TNS1: variants seen among roughly 807,000 people sequenced by gnomAD.
TNS1 encodes the protein tensin-1.
In TNS1, 62 loss-of-function variants were observed where a neutral mutation model predicts 168.6. The observed-to-expected ratio is 0.37, with a 90% CI of 0.30 to 0.45. The LOEUF (loss-of-function observed/expected upper bound fraction) is 0.45, where lower values mean the gene tolerates loss of function less well. TNS1 is among the 20% of genes least tolerant of loss of function. The pLI is 1.00. For missense variants in TNS1, 2,240 were observed against 2,339.4 expected, an observed-to-expected ratio of 0.96 and a Z score of 0.88; for synonymous variants, 934 against 933.2, an observed-to-expected ratio of 1.00 and a Z score of -0.02.
intron 9 of TNS1, among the ~76,000 whole-genome samples, chr2:217,894,204 A>G (rs1952034484): frequency 6.6e-6 from 1 of 152,200 alleles, no homozygotes; most frequent in African/African-American, 2.4e-5. Flanking sequence ...CCCATAGAGC[A>G]CACCTAATCC....
intron 6 of TNS1, among the ~76,000 whole-genome samples, chr2:217,901,002 C>T (rs1207337006): frequency 6.6e-6 from 1 of 152,116 alleles, no homozygotes; most frequent in Non-Finnish European, 1.5e-5. Context: ...AGTTTAGAGA[C>T]CAGAACAGGC....
intron 4 of TNS1, among the ~76,000 whole-genome samples, chr2:217,910,017 C>T (rs919756103): frequency 6.5e-4 from 99 of 152,158 alleles, no homozygotes; most frequent in African/African-American, 2.3e-3. Flanking sequence ...TCTCTAGCCT[C>T]GGGGCAGCAC....
chr2:217,901,398 A>T (rs541448159), intron 6 of TNS1, among the ~76,000 whole-genome samples: 1 of 152,374 alleles, frequency 6.6e-6, no homozygotes, highest in East Asian at 1.9e-4. Context: ...TTACCAGATG[A>T]CAGCTGTTGT....
At position 217,949,739 on chromosome 2, in the gene TNS1, CA is replaced by C. The variant is rs57937641; in HGVS notation, c.186+29025del. 4.1e-3 allele frequency among the ~76,000 whole-genome samples: 578 copies of C among 140,500 alleles called. 8 individuals carry two copies. Among genetic ancestry groups the C allele is most frequent in the African/African-American group, 0.013 (511 of 39,446 alleles). The allele number at this position is 140,500 out of a possible 152,430, so 92.2% of individuals were successfully genotyped here. The stretch of plus-strand genomic sequence containing the variant: ...GAGGCTTACCAAGCACACCAAGGAA[CA>C]AAAAAAAAAGAAAAGAAAAGAAAAA... On this transcript the variant is annotated intron_variant, in intron 3 of 32. Coordinates refer to ENST00000682258, the MANE Select transcript of TNS1 (RefSeq NM_001387777.1).
intron 18 of TNS1, among the ~76,000 whole-genome samples, chr2:217,877,570 G>A (rs13406506): frequency 0.022 from 3,294 of 152,320 alleles, 146 homozygotes; most frequent in African/African-American, 0.075. Context: ...CCAGCCACCT[G>A]AGCCTGAGAA....
intron 22 of TNS1, among the ~76,000 whole-genome samples, chr2:217,830,581 G>A (rs757784061): frequency 2.0e-5 from 3 of 152,172 alleles, no homozygotes; most frequent in Non-Finnish European, 1.5e-5. Context: ...ACCTGGGGTG[G>A]TGTCTGCTCA....
chr2:217,936,439 A>G (rs558481336), intron 3 of TNS1, among the ~76,000 whole-genome samples: 13 of 152,068 alleles, frequency 8.5e-5, no homozygotes, highest in Non-Finnish European at 1.8e-4. Context: ...TGGCCTCCCA[A>G]TCCAGGAGGG....
rs549184367 is a variant in TNS1, at chr2:217,964,790, G to A, written c.186+13975C>T. Among the ~76,000 whole-genome samples, 14 of 152,290 alleles carry A rather than the reference G, an allele frequency of 9.2e-5. No homozygotes were observed. In the East Asian group the frequency reaches 1.5e-3, roughly 17 times the overall value. The stretch of plus-strand genomic sequence containing the variant: ...CCCCTGGACACCCTCGCTTGGGTGC[G>A]CCGGGCCGCGCCAGAGGAAACAGGC... On this transcript the variant is annotated intron_variant, in intron 3 of 32. Transcript: ENST00000682258.
At chr2:217,860,079 G>T (rs1574850846) in intron 18 of TNS1, among the ~76,000 whole-genome samples, 1 of 152,130 alleles carries the variant, frequency 6.6e-6, no homozygotes, top group South Asian at 2.1e-4. Context: ...ACACAGGCTT[G>T]CCCTGAGCTA....
At chr2:217,821,393 A>G (rs1942822622) in intron 23 of TNS1, among the ~76,000 whole-genome samples, 1 of 152,190 alleles carries the variant, frequency 6.6e-6, no homozygotes, top group Non-Finnish European at 1.5e-5. Flanking sequence ...AGTGCCAGGT[A>G]CCTAGGATGA....
intron 9 of TNS1, among the ~76,000 whole-genome samples, chr2:217,894,744 T>C (rs1415258644): frequency 6.6e-6 from 1 of 152,006 alleles, no homozygotes; most frequent in African/African-American, 2.4e-5. Context: ...AAACTAAACA[T>C]CTCACAACTC....
chr2:217,812,202 C>A (rs1471700463), intron 28 of TNS1, among the ~76,000 whole-genome samples, 166 bp downstream of exon 28: 1 of 152,086 alleles, frequency 6.6e-6, no homozygotes. Flanking sequence ...ATTTTTTCTT[C>A]TTTTTTAATA....
At chr2:217,832,994 C>T (rs770820616) in intron 21 of TNS1, among the ~76,000 whole-genome samples, 45 of 152,290 alleles carry the variant, frequency 3.0e-4, no homozygotes, top group Non-Finnish European at 5.0e-4. Flanking sequence ...CGCCACACCC[C>T]CTCTTCCCTG....
chr2:217,999,678 C>G (rs1182006689), intron 1 of TNS1, among the ~76,000 whole-genome samples: 2 of 152,260 alleles, frequency 1.3e-5, no homozygotes, highest in Non-Finnish European at 2.9e-5. Flanking sequence ...AGAACGAGTT[C>G]AGGACCAAAG....
chr2:217,818,000 G>A lies in TNS1; in HGVS notation c.4332C>T (p.Ser1444=). 1.3e-6 allele frequency: 2 copies of A among 1,597,094 alleles called. No individual in the cohort carries two copies. The highest frequency in any genetic ancestry group is 2.3e-5 in the East Asian group (1 of 44,150). The change falls in exon 24 of 33, where the codon AGC becomes AGT. Residue 1444 remains serine, a synonymous_variant. Transcript: ENST00000682258. ...EDRRPTLSRQ[S]SASGYQAPST... is the part of the protein sequence containing the mutation. The stretch of plus-strand genomic sequence containing the variant: ...AAGGAGCCTGGTAGCCAGAGGCACT[G>A]CTCTGCCGGGACAGTGTGGGTCTCC...
At chr2:217,890,865 G>C in intron 12 of TNS1, 97 bp downstream of exon 12, 1 of 1,348,974 alleles carries the variant, frequency 7.4e-7, no homozygotes, top group Non-Finnish European at 1.1e-6. Flanking sequence ...CCCCCACCTA[G>C]GCACAGCTAT....
At chr2:218,015,952 A>G (rs184363577) in intron 1 of TNS1, among the ~76,000 whole-genome samples, 1 of 152,280 alleles carries the variant, frequency 6.6e-6, no homozygotes, top group Admixed American at 6.5e-5. Context: ...AGGCTCCCAC[A>G]ATGAGATTAA....
chr2:217,854,660 T>G lies in TNS1; in HGVS notation c.1430-5573A>C, dbSNP rs1446641128. 2.6e-5 allele frequency among the ~76,000 whole-genome samples: 4 copies of G among 152,260 alleles called. No individual in the cohort carries two copies. The East Asian group carries it at 5.8e-4, about 22-fold the overall frequency. On this transcript the variant is annotated intron_variant, in intron 18 of 32. Coordinates refer to ENST00000682258, the MANE Select transcript of TNS1 (RefSeq NM_001387777.1). ...CGTGCATCTGAGAGGTAGGTGAGCT[T>G]TGATGAGAAGTGAAGCTTGGCCAAG...
rs1434689345 is a variant in TNS1, at chr2:217,898,646, T to C, written c.372-677A>G. ...AGCTCCCACTGCCTGCCAGAGCTGC[T>C]TCTTGGCAGCAGCCTCCCTGATTTC... On this transcript the variant is annotated intron_variant, in intron 7 of 32. Coordinates refer to ENST00000682258, the MANE Select transcript of TNS1 (RefSeq NM_001387777.1). Among the ~76,000 whole-genome samples, 5 of 152,214 alleles carry C rather than the reference T, an allele frequency of 3.3e-5. No individual in the cohort carries two copies. In the Middle Eastern group the frequency reaches 9.5e-3, roughly 289 times the overall value.
Sources: gnomAD v4.1 joint callset for allele counts (sites outside exome capture counted in the v4.1 genomes callset) on GRCh38, gnomAD v4.1.1 for gene constraint, MANE v1.5 for transcripts, NCBI Gene and HGNC (gene_info 2026-07-23, HGNC 2026-07-21) for gene names.